The following LINGO2 variants were observed in gnomAD, a reference collection of about 807,000 sequenced individuals.
LINGO2 encodes the protein leucine rich repeat and Ig domain containing 2.
Under a neutral mutation model 30.6 loss-of-function variants are expected in LINGO2, and 14 were observed. The observed-to-expected ratio is 0.46, with a 90% CI of 0.30 to 0.72. The LOEUF is 0.72. Ranked by LOEUF, LINGO2 falls within the 30% of genes least tolerant of loss-of-function variation. The pLI is 0.07. For synonymous variants in LINGO2, 317 were observed against 288.5 expected (o/e 1.10, Z -1.00); for missense variants, 729 against 751.7 (o/e 0.97, Z 0.35).
chr9:28,845,933 C>CT, the LINGO2 span, among the ~76,000 whole-genome samples: 1 of 151,520 alleles, frequency 6.6e-6, no homozygotes, highest in African/African-American at 2.4e-5. Context: ...AATTAGCCCA[C>CT]TGGAGGTACA....
the LINGO2 span, among the ~76,000 whole-genome samples, chr9:28,953,738 T>A: frequency 1.3e-5 from 2 of 152,124 alleles, no homozygotes; most frequent in African/African-American, 4.8e-5. Context: ...TTTAAAGTTA[T>A]TGTAGAATAC....
At chr9:29,173,761 G>A in the LINGO2 span, among the ~76,000 whole-genome samples, 1 of 151,920 alleles carries the variant, frequency 6.6e-6, no homozygotes, top group Non-Finnish European at 1.5e-5. Flanking sequence ...AGATAAACCA[G>A]AAAGGGCCTA....
At chr9:28,835,674 T>C in the LINGO2 span, among the ~76,000 whole-genome samples, 1 of 152,230 alleles carries the variant, frequency 6.6e-6, no homozygotes, top group Non-Finnish European at 1.5e-5. Context: ...AGTCCTATTT[T>C]GCCTGTCCAG....
At chr9:28,702,867 G>A in the LINGO2 span, among the ~76,000 whole-genome samples, 1,870 of 151,556 alleles carry the variant, frequency 0.012, 36 homozygotes, top group African/African-American at 0.043. Flanking sequence ...ATTTCATCTC[G>A]GTTTTCAAGA....
the LINGO2 span, among the ~76,000 whole-genome samples, chr9:28,821,469 A>T: frequency 1.3e-5 from 2 of 152,238 alleles, no homozygotes; most frequent in Non-Finnish European, 2.9e-5. Context: ...GAATTTATTC[A>T]TACAGATCAC....
chr9:28,185,960 T>C (rs976523008), intron 4 of LINGO2, among the ~76,000 whole-genome samples: 1 of 152,156 alleles, frequency 6.6e-6, no homozygotes, highest in African/African-American at 2.4e-5. Context: ...CACTAAAAAA[T>C]CTTGTCTAGG....
chr9:28,013,841 AG>A (rs1398202575), intron 4 of LINGO2, among the ~76,000 whole-genome samples: 1 of 152,212 alleles, frequency 6.6e-6, no homozygotes, highest in East Asian at 1.9e-4. Context: ...GGAAGATGAT[AG>A]GGTTTTAACT....
intron 4 of LINGO2, among the ~76,000 whole-genome samples, chr9:28,020,244 A>T (rs543160940): frequency 6.6e-6 from 1 of 152,274 alleles, no homozygotes; most frequent in South Asian, 2.1e-4. Context: ...TTTCAGTGTT[A>T]GGGTCATGCT....
At chr9:29,119,208 C>T in the LINGO2 span, among the ~76,000 whole-genome samples, 1 of 152,108 alleles carries the variant, frequency 6.6e-6, no homozygotes, top group Non-Finnish European at 1.5e-5. Flanking sequence ...TCACATTAAA[C>T]TAAAAAGCTT....
intron 3 of LINGO2, among the ~76,000 whole-genome samples, chr9:28,310,720 A>C (rs1417293129): frequency 6.6e-6 from 1 of 152,326 alleles, no homozygotes; most frequent in Admixed American, 6.5e-5. Flanking sequence ...GCACTTTATT[A>C]TATGTCAATT....
the LINGO2 span, among the ~76,000 whole-genome samples, chr9:28,872,450 A>G: frequency 7.9e-5 from 12 of 152,136 alleles, no homozygotes; most frequent in Non-Finnish European, 1.5e-4. Flanking sequence ...AATTAAATGA[A>G]GTTATCTTTT....
At chr9:29,019,661 G>A in the LINGO2 span, among the ~76,000 whole-genome samples, 16 of 152,164 alleles carry the variant, frequency 1.1e-4, no homozygotes, top group African/African-American at 3.4e-4. Flanking sequence ...ACTACATAGC[G>A]ACTGGCACAG....
chr9:28,674,066 T>C (rs1311095238), upstream of LINGO2, among the ~76,000 whole-genome samples: 1 of 151,930 alleles, frequency 6.6e-6, no homozygotes, highest in Non-Finnish European at 1.5e-5. Flanking sequence ...CTTCATGATA[T>C]AATGGTGAAG....
the LINGO2 span, among the ~76,000 whole-genome samples, chr9:29,195,832 T>C: frequency 6.6e-6 from 1 of 152,104 alleles, no homozygotes; most frequent in Non-Finnish European, 1.5e-5. Flanking sequence ...AAACATTAAT[T>C]TGGCATTTTT....
intron 4 of LINGO2, among the ~76,000 whole-genome samples, chr9:28,165,103 C>T (rs2133618981): frequency 6.6e-6 from 1 of 152,312 alleles, no homozygotes; most frequent in East Asian, 1.9e-4. Context: ...ACTAGACATA[C>T]AGACCTCTTA....
chr9:28,189,196 T>G (rs891620039), intron 4 of LINGO2, among the ~76,000 whole-genome samples: 2 of 149,098 alleles, frequency 1.3e-5, no homozygotes, highest in Non-Finnish European at 3.0e-5. Flanking sequence ...AGCAGTGATC[T>G]TTTTTTTCTA....
intron 4 of LINGO2, among the ~76,000 whole-genome samples, chr9:28,110,495 A>G (rs942131835): frequency 6.6e-6 from 1 of 152,214 alleles, no homozygotes; most frequent in Non-Finnish European, 1.5e-5. Context: ...CAATCTACCC[A>G]TCTGACAAAG....
the LINGO2 span, among the ~76,000 whole-genome samples, chr9:28,685,977 ATG>A: frequency 0.025 from 3,580 of 145,020 alleles, 118 homozygotes; most frequent in African/African-American, 0.075. Context: ...AACATATATG[ATG>A]TGTGTGTGTG....
chr9:28,501,213 G>A (rs1457076316), intron 1 of LINGO2, among the ~76,000 whole-genome samples: 2 of 152,096 alleles, frequency 1.3e-5, no homozygotes, highest in Non-Finnish European at 2.9e-5. Context: ...CAAATTGTTG[G>A]TAATTAGGAA....
Sources: gnomAD v4.1 joint callset for allele counts (sites outside exome capture counted in the v4.1 genomes callset) on GRCh38, gnomAD v4.1.1 for gene constraint, MANE v1.5 for transcripts, NCBI Gene and HGNC (gene_info 2026-07-23, HGNC 2026-07-21) for gene names.